HDAC7: variants seen among roughly 807,000 people sequenced by gnomAD.
The protein encoded by HDAC7 is histone deacetylase 7.
HDAC7 carries 26 observed loss-of-function variants against 115.5 expected under a neutral mutation model. That is an observed-to-expected ratio of 0.23 (90% CI 0.16 to 0.31). HDAC7 has a LOEUF of 0.31. Ranked by LOEUF, HDAC7 falls within the 10% of genes least tolerant of loss-of-function variation. The probability of loss-of-function intolerance (pLI) is 1.00; values close to 1 mark genes in which losing one functional copy is unlikely to be tolerated. For synonymous variants in HDAC7, 564 were observed against 550.9 expected, an observed-to-expected ratio of 1.02 and a Z score of -0.33; for missense variants, 1,068 against 1,329.0, an observed-to-expected ratio of 0.80 and a Z score of 3.05.
In HDAC7 at chr12:47,802,219, C is replaced by T; in HGVS notation, c.70+5G>A. Reference sequence around the variant, plus strand: ...ACCATGGACTCCCCCGGGTTTGACTCTTACCTGCGCCAGTGGGGCTGCAGT... The same window carrying T: ...ACCATGGACTCCCCCGGGTTTGACTTTTACCTGCGCCAGTGGGGCTGCAGT... On this transcript the variant is annotated splice_donor_5th_base_variant and intron_variant, in intron 2 of 25. Coordinates refer to ENST00000080059, the MANE Select transcript of HDAC7 (RefSeq NM_015401.5). The T allele has an allele frequency of 2.5e-6, 4 of 1,613,306 alleles. No homozygotes were observed. The highest frequency in any genetic ancestry group is 3.4e-6 in the Non-Finnish European group (4 of 1,179,708).
chr12:47,799,415 A>G (rs1944055378), intron 2 of HDAC7, among the ~76,000 whole-genome samples: 1 of 152,222 alleles, frequency 6.6e-6, no homozygotes, highest in Non-Finnish European at 1.5e-5. Context: ...GCTCAAAGGA[A>G]GCAATCAGGC....
chr12:47,811,403 G>T (rs1040405778), intron 1 of HDAC7, among the ~76,000 whole-genome samples: 1 of 152,190 alleles, frequency 6.6e-6, no homozygotes, highest in African/African-American at 2.4e-5. Context: ...CAGCTGTAAG[G>T]ACAATTTCTG....
chr12:47,798,965 G>T lies in HDAC7; in HGVS notation c.78C>A (p.Pro26=). ...HYCSPTGAGC[P]RPCADTPGPQ... is the part of the protein sequence containing the mutation. The stretch of plus-strand genomic sequence containing the variant: ...GGCCTGGTGTGTCTGCACAGGGCCT[G>T]GGGCAGCCTAGGGACAGAGAGAGGG... Residue 26 remains proline (P), a synonymous_variant, in exon 3 of 26, where the codon CCC becomes CCA. Coordinates refer to ENST00000080059, the MANE Select transcript of HDAC7 (RefSeq NM_015401.5). This position sits in a 1 kb window ranked among gnomAD's most constrained non-coding sequence, Gnocchi z 4.3. The T allele has an allele frequency of 6.6e-7, 1 of 1,505,900 alleles. No individual in the cohort carries two copies. Among genetic ancestry groups the T allele is most frequent in the East Asian group, 2.4e-5 (1 of 42,318 alleles). The allele number at this position is 1,505,900 out of a possible 1,614,324, so 93.3% of individuals were successfully genotyped here.
chr12:47,791,801 G>GCCCCCCCCCCCCCCCCCCCCCAAAAAA, intron 14 of HDAC7, 70 bp downstream of exon 14: 1 of 1,511,070 alleles, frequency 6.6e-7, no homozygotes, highest in Non-Finnish European at 9.0e-7. Context: ...GGGCCCCAGG[G>GCCCCCCCCCCCCCCCCCCCCCAAAAAA]CCCCCCACCC....
intron 1 of HDAC7, chr12:47,817,950 G>A (rs1442984535): frequency 6.6e-6 from 1 of 152,290 alleles, no homozygotes; most frequent in African/African-American, 2.4e-5. Flanking sequence ...AAGGACTAAA[G>A]CTGAGGTCCA....
In HDAC7 at chr12:47,783,958, C is replaced by G; in HGVS notation, c.2931-72G>C. 1.9e-6 allele frequency: 3 copies of G among 1,607,076 alleles called. No homozygotes were observed. In the South Asian group the frequency reaches 3.3e-5, roughly 18 times the overall value. ...CAAGGGCCTTAGCTAAGCTTCCTCTCAACCCTGGTCAGGAAGCCTGGGAGG... is the reference window on the plus strand; with the variant it reads ...CAAGGGCCTTAGCTAAGCTTCCTCTGAACCCTGGTCAGGAAGCCTGGGAGG... On this transcript the variant is annotated intron_variant, in intron 25 of 25. Coordinates refer to ENST00000080059, the MANE Select transcript of HDAC7 (RefSeq NM_015401.5).
chr12:47,809,550 A>T (rs1213519530), intron 1 of HDAC7, among the ~76,000 whole-genome samples: 1 of 152,106 alleles, frequency 6.6e-6, no homozygotes, highest in Non-Finnish European at 1.5e-5. Flanking sequence ...GGAGGGCAAC[A>T]TCCTCCCACT....
rs866242266 is a variant in HDAC7, at chr12:47,783,383, C to G, written c.*458G>C. 3.3e-5 allele frequency: 6 copies of G among 181,178 alleles called. No homozygotes were observed. Among genetic ancestry groups the G allele is most frequent in the Admixed American group, 2.7e-4 (5 of 18,630 alleles). The allele number at this position is 181,178 out of a possible 1,614,324, so 11.2% of individuals were successfully genotyped here. ...ATATGGGACCTCTTGGCTCCCCACT[C>G]CCCCCTAGCCCCTAGAGCCTAGGAA... is the stretch of plus-strand genomic sequence containing the variant. On this transcript the variant is annotated 3_prime_UTR_variant, in exon 26 of 26. Coordinates refer to ENST00000080059, the MANE Select transcript of HDAC7 (RefSeq NM_015401.5).
rs1000422505 is a variant in HDAC7 at position 47,803,251 on chromosome 12, G to A, written c.20-977C>T. 2.9e-4 allele frequency among the ~76,000 whole-genome samples: 44 copies of A among 152,196 alleles called. No homozygotes were observed. The highest frequency in any genetic ancestry group is 1.0e-3 in the African/African-American group (43 of 41,450). ...GGCCAGGAGACCCAGAGGCTGCCTGGACGGGGTACTGGGTGGACACAGAAG... is the reference window on the plus strand; with the variant it reads ...GGCCAGGAGACCCAGAGGCTGCCTGAACGGGGTACTGGGTGGACACAGAAG... On this transcript the variant is annotated intron_variant, in intron 1 of 25. Coordinates refer to ENST00000080059, the MANE Select transcript of HDAC7 (RefSeq NM_015401.5). The surrounding 1 kb of genome is among the most constrained non-coding windows in gnomAD (Gnocchi z 4.0).
In HDAC7 at chr12:47,803,286, G is replaced by A. The variant is rs555515014; in HGVS notation, c.20-1012C>T. 3.9e-5 allele frequency among the ~76,000 whole-genome samples: 6 copies of A among 152,346 alleles called. No homozygotes were observed. The highest frequency in any genetic ancestry group is 3.3e-4 in the Admixed American group (5 of 15,308). ...TGGGTGGACACAGAAGCGCTCTGCT[G>A]GCCAGACTTGGGGCAGAAGGGATAT... On this transcript the variant is annotated intron_variant, in intron 1 of 25. Coordinates refer to ENST00000080059, the MANE Select transcript of HDAC7 (RefSeq NM_015401.5). This position sits in a 1 kb window ranked among gnomAD's most constrained non-coding sequence, Gnocchi z 4.0.
At position 47,795,421 on chromosome 12, in the gene HDAC7, G is replaced by A. The variant is rs1161398024; in HGVS notation, c.1088-41C>T. The A allele has an allele frequency of 5.9e-6, 9 of 1,531,856 alleles. No individual in the cohort carries two copies. Among genetic ancestry groups the A allele is most frequent in the Non-Finnish European group, 8.0e-6 (9 of 1,127,982 alleles). The allele number at this position is 1,531,856 out of a possible 1,614,324, so 94.9% of individuals were successfully genotyped here. Reference sequence around the variant, plus strand: ...GGGTGGAATAAGGAGGGAACCACAGGGAGCAATGGAAGGAAGCGAGGGTAT... The same window carrying A: ...GGGTGGAATAAGGAGGGAACCACAGAGAGCAATGGAAGGAAGCGAGGGTAT... On this transcript the variant is annotated intron_variant, in intron 10 of 25. Coordinates refer to ENST00000080059, the MANE Select transcript of HDAC7 (RefSeq NM_015401.5). This position sits in a 1 kb window ranked among gnomAD's most constrained non-coding sequence, Gnocchi z 4.3.
At chr12:47,791,505 G>T in intron 15 of HDAC7, 81 bp downstream of exon 15, 1 of 1,519,432 alleles carries the variant, frequency 6.6e-7, no homozygotes, top group Non-Finnish European at 8.9e-7. Flanking sequence ...AGGCTGGCTG[G>T]GCGGGCAGAG....
intron 16 of HDAC7, 146 bp downstream of exon 16, chr12:47,791,113 G>A (rs1943474380): frequency 2.6e-6 from 2 of 759,956 alleles, no homozygotes; most frequent in Non-Finnish European, 4.5e-6. Flanking sequence ...TCCTGCTGCA[G>A]GGGGCACCTC....
chr12:47,808,118 G>A lies in HDAC7; in HGVS notation c.20-5844C>T, dbSNP rs116143205. ...CTGCACACCAAACAGGAGGCTGGAT[G>A]TAAGGGTGGCAACAGTGAGCATGCC... On this transcript the variant is annotated intron_variant, in intron 1 of 25. Coordinates refer to ENST00000080059, the MANE Select transcript of HDAC7 (RefSeq NM_015401.5). Among the ~76,000 whole-genome samples, 786 of 152,354 alleles carry A rather than the reference G, an allele frequency of 5.2e-3. 7 individuals carry two copies. Among genetic ancestry groups the A allele is most frequent in the African/African-American group, 0.017 (724 of 41,578 alleles).
At chr12:47,796,122 GC>G (rs1943823282) in intron 8 of HDAC7, 84 bp downstream of exon 8, 3 of 1,518,156 alleles carry the variant, frequency 2.0e-6, no homozygotes, top group Non-Finnish European at 2.7e-6. Context: ...AGACCCTGCA[GC>G]CCCAGCCCAG....
Position 47,798,670 on chromosome 12 carries a change from A to G in HDAC7, c.259-18T>C, listed in dbSNP as rs1267515356. The G allele has an allele frequency of 6.2e-7, 1 of 1,606,904 alleles. No homozygotes were observed. On this transcript the variant is annotated intron_variant, in intron 3 of 25. Coordinates refer to ENST00000080059, the MANE Select transcript of HDAC7 (RefSeq NM_015401.5). This position sits in a 1 kb window ranked among gnomAD's most constrained non-coding sequence, Gnocchi z 4.3. ...ATGGAGAGCTGTGGGCAGGGCCGGCAGCCCAGAAAGGGACAAGGAGTTGAG... is the reference window on the plus strand; with the variant it reads ...ATGGAGAGCTGTGGGCAGGGCCGGCGGCCCAGAAAGGGACAAGGAGTTGAG...
chr12:47,799,378 TTGCCCAGC>T (rs1436789376), intron 2 of HDAC7, among the ~76,000 whole-genome samples: 1 of 152,160 alleles, frequency 6.6e-6, no homozygotes, highest in African/African-American at 2.4e-5. Context: ...ATCAGAGGAT[TTGCCCAGC>T]TGCCCTCTAA....
chr12:47,807,372 T>C (rs1022220682), intron 1 of HDAC7, among the ~76,000 whole-genome samples: 21 of 152,198 alleles, frequency 1.4e-4, no homozygotes, highest in African/African-American at 5.1e-4. Context: ...TGCTAACTTA[T>C]CTAGTCCACA....
chr12:47,796,962 G>A, intron 7 of HDAC7, 55 bp downstream of exon 7: 2 of 1,501,238 alleles, frequency 1.3e-6, no homozygotes, highest in Non-Finnish European at 1.8e-6. Context: ...GACCCAAAGG[G>A]ACAAGACCAG....
Sources: gnomAD v4.1 joint callset for allele counts (sites outside exome capture counted in the v4.1 genomes callset) on GRCh38, gnomAD v4.1.1 for gene constraint, Gnocchi (gnomAD v3.1) non-coding constraint, MANE v1.5 for transcripts, NCBI Gene and HGNC (gene_info 2026-07-23, HGNC 2026-07-21) for gene names.